The following IQSEC1 variants were observed in gnomAD, a reference collection of about 807,000 sequenced individuals.
The protein encoded by IQSEC1 is IQ motif and SEC7 domain-containing protein 1.
A neutral mutation model predicts 91.0 loss-of-function variants in IQSEC1; 31 were observed. The ratio of observed to expected loss-of-function variants is 0.34; its 90% CI spans 0.26 to 0.46. The LOEUF is 0.46. Ranked by LOEUF, IQSEC1 falls within the 20% of genes least tolerant of loss-of-function variation. The pLI is 1.00. For synonymous variants in IQSEC1, 699 were observed against 662.6 expected (o/e 1.05, Z -0.84); for missense variants, 1,388 against 1,575.6 (o/e 0.88, Z 2.02).
At chr3:13,107,560 C>G (rs1207655322) in intron 2 of IQSEC1, among the ~76,000 whole-genome samples, 1 of 152,220 alleles carries the variant, frequency 6.6e-6, no homozygotes, top group East Asian at 1.9e-4. Context: ...AGATTTCAAC[C>G]AAGGCTGGTT....
intron 3 of IQSEC1, among the ~76,000 whole-genome samples, chr3:12,932,215 G>A (rs991874470): frequency 6.6e-6 from 1 of 152,204 alleles, no homozygotes; most frequent in Admixed American, 6.5e-5. Context: ...TGAGGTCCCT[G>A]CTGGGCACCT....
At chr3:13,121,122 C>G (rs938866530) in intron 2 of IQSEC1, among the ~76,000 whole-genome samples, 3 of 152,236 alleles carry the variant, frequency 2.0e-5, no homozygotes, top group African/African-American at 4.8e-5. Context: ...CTGCCCTATG[C>G]TGTACCTGCC....
At chr3:12,993,962 G>A (rs1702111329) in intron 1 of IQSEC1, among the ~76,000 whole-genome samples, 1 of 151,486 alleles carries the variant, frequency 6.6e-6, no homozygotes, top group African/African-American at 2.4e-5. Context: ...CCCCGGGGGC[G>A]GAGCTGCCGC....
chr3:13,189,108 C>T (rs139659726), intron 1 of IQSEC1, among the ~76,000 whole-genome samples: 28 of 152,344 alleles, frequency 1.8e-4, no homozygotes, highest in African/African-American at 6.5e-4. Flanking sequence ...AGATGAGCAG[C>T]CCCTCCTATC....
chr3:13,069,515 C>T (rs1272368134), intron 1 of IQSEC1, among the ~76,000 whole-genome samples: 1 of 152,220 alleles, frequency 6.6e-6, no homozygotes, highest in African/African-American at 2.4e-5. Flanking sequence ...GTCAGGGCAT[C>T]CCACCAGAGG....
intron 2 of IQSEC1, among the ~76,000 whole-genome samples, chr3:13,125,273 G>A (rs112624704): frequency 2.6e-5 from 4 of 152,074 alleles, no homozygotes; most frequent in African/African-American, 4.8e-5. Flanking sequence ...GGCTGTCTAC[G>A]TACCCTCAGG....
chr3:13,077,248 A>G (rs777678397), upstream of IQSEC1, among the ~76,000 whole-genome samples: 3 of 152,188 alleles, frequency 2.0e-5, no homozygotes, highest in African/African-American at 4.8e-5. Context: ...AAAGATGAAT[A>G]CCGTGAACTC....
intron 1 of IQSEC1, among the ~76,000 whole-genome samples, chr3:13,212,708 C>A (rs1385619099): frequency 6.6e-6 from 1 of 152,194 alleles, no homozygotes; most frequent in African/African-American, 2.4e-5. Context: ...TTGAGTAGAG[C>A]CATCCTGGTG....
intron 1 of IQSEC1, among the ~76,000 whole-genome samples, chr3:13,183,336 C>A: frequency 6.6e-6 from 1 of 151,888 alleles, no homozygotes; most frequent in South Asian, 2.1e-4. Flanking sequence ...GTAATCCCAG[C>A]ACTTTGGGAG....
rs543194254 is a variant in IQSEC1 at position 12,924,294 on chromosome 3, G to A, written c.1730+287C>T. On this transcript the variant is annotated intron_variant, in intron 4 of 13. Coordinates refer to ENST00000613206, the MANE Select transcript of IQSEC1 (RefSeq NM_001134382.3). The surrounding 1 kb of genome is among the most constrained non-coding windows in gnomAD (Gnocchi z 6.3). ...TGCTGGGTTGGATCAACCGTGCTTA[G>A]GGATGGAGGGAAGGGAGGGGCCAAG... Among the ~76,000 whole-genome samples, 1 of 152,212 alleles carries A rather than the reference G, an allele frequency of 6.6e-6. No individual in the cohort carries two copies. The highest frequency in any genetic ancestry group is 2.1e-4 in the South Asian group (1 of 4,828).
At chr3:13,075,087 C>T (rs1475812107), upstream of IQSEC1, among the ~76,000 whole-genome samples, 1 of 152,174 alleles carries the variant, frequency 6.6e-6, no homozygotes, top group Non-Finnish European at 1.5e-5. Flanking sequence ...TCCTGTAGCA[C>T]GGACCTCCCT....
chr3:12,967,535 G>A lies in IQSEC1; in HGVS notation c.24-25670C>T. On this transcript the variant is annotated intron_variant, in intron 1 of 13. Transcript: ENST00000613206. The surrounding 1 kb of genome is among the most constrained non-coding windows in gnomAD (Gnocchi z 5.9). ...GCCGACTCCCGCCAGCGAGCCGCCG[G>A]ATCCCGGGGCCGACACCCGGCCACC... 7.2e-7 allele frequency: 1 copy of A among 1,386,884 alleles called. No individual in the cohort carries two copies. Among genetic ancestry groups the A allele is most frequent in the Non-Finnish European group, 9.3e-7 (1 of 1,078,746 alleles). 85.9% of individuals were successfully genotyped at this position (1,386,884 alleles called of 1,614,324 possible).
intron 2 of IQSEC1, among the ~76,000 whole-genome samples, chr3:13,128,167 G>C (rs1334457243): frequency 6.6e-6 from 1 of 152,074 alleles, no homozygotes; most frequent in Non-Finnish European, 1.5e-5. Context: ...TGCCTTTCTT[G>C]ACTTACCGCT....
chr3:13,253,875 C>G (rs1695241743), intron 1 of IQSEC1, among the ~76,000 whole-genome samples: 1 of 152,154 alleles, frequency 6.6e-6, no homozygotes, highest in South Asian at 2.1e-4. Context: ...CCGGGGCCCC[C>G]AGAAGCAGAA....
At chr3:12,902,670 C>CAAAAAAAAAAAAAAAAAAAAAAAAAACA (rs1213830618) in intron 13 of IQSEC1, 103 bp downstream of exon 13, 10 of 192,634 alleles carry the variant, frequency 5.2e-5, no homozygotes, top group East Asian at 4.7e-4. Flanking sequence ...AAAAAAAAAC[C>CAAAAAAAAAAAAAAAAAAAAAAAAAACA]AAAAAAAAAA....
intron 2 of IQSEC1, among the ~76,000 whole-genome samples, 154 bp from the exon 3 acceptor site, chr3:12,936,851 T>C (rs537672500): frequency 1.3e-5 from 2 of 152,122 alleles, no homozygotes; most frequent in Admixed American, 1.3e-4. Context: ...GGTGGGCTTA[T>C]GCAAAATATG....
intron 1 of IQSEC1, among the ~76,000 whole-genome samples, chr3:13,203,895 G>A (rs1441980898): frequency 1.3e-5 from 2 of 152,236 alleles, no homozygotes. Context: ...ACAGACGGAG[G>A]CTTGGGCAGG....
chr3:12,973,157 C>A (rs370251111), intron 1 of IQSEC1, among the ~76,000 whole-genome samples: 1 of 152,152 alleles, frequency 6.6e-6, no homozygotes, highest in South Asian at 2.1e-4. Flanking sequence ...GGGTTTCCTA[C>A]GTGACACTGA....
chr3:13,205,777 A>C (rs1694332869), intron 1 of IQSEC1, among the ~76,000 whole-genome samples: 3 of 123,692 alleles, frequency 2.4e-5, no homozygotes, highest in Admixed American at 1.6e-4. Context: ...TCCATCCCTC[A>C]ATCCACTCAT....
Sources: gnomAD v4.1 joint callset for allele counts (sites outside exome capture counted in the v4.1 genomes callset) on GRCh38, gnomAD v4.1.1 for gene constraint, Gnocchi (gnomAD v3.1) non-coding constraint, MANE v1.5 for transcripts, NCBI Gene and HGNC (gene_info 2026-07-23, HGNC 2026-07-21) for gene names.